The following RAB11FIP1 variants were observed in gnomAD, a reference collection of about 807,000 sequenced individuals.
The protein encoded by RAB11FIP1 is rab11 family-interacting protein 1.
Under a neutral mutation model 83.1 loss-of-function variants are expected in RAB11FIP1, and 49 were observed. The ratio of observed to expected loss-of-function variants is 0.59; its 90% CI spans 0.47 to 0.75. The LOEUF is 0.75. RAB11FIP1 is among the 30% of genes least tolerant of loss of function. RAB11FIP1 has a pLI of 0.00. For missense variants in RAB11FIP1, 1,536 were observed against 1,598.7 expected, an observed-to-expected ratio of 0.96 and a Z score of 0.67; for synonymous variants, 670 against 656.0, an observed-to-expected ratio of 1.02 and a Z score of -0.33.
chr8:37,887,395 G>C (rs1033365392), intron 1 of RAB11FIP1, among the ~76,000 whole-genome samples: 2 of 152,056 alleles, frequency 1.3e-5, no homozygotes, highest in African/African-American at 4.8e-5. Flanking sequence ...GCCGGGTGTG[G>C]TGGTACACAC....
At position 37,872,709 on chromosome 8, in the gene RAB11FIP1, T is replaced by C. The variant is rs767846426; in HGVS notation, c.2093A>G (p.Glu698Gly). The C allele has an allele frequency of 3.0e-5, 48 of 1,614,122 alleles. No individual in the cohort carries two copies. The highest frequency in any genetic ancestry group is 4.0e-5 in the Non-Finnish European group (47 of 1,180,042). Residue 698 changes from glutamate (E) to glycine (G), a missense_variant, in exon 4 of 6, where the codon GAA becomes GGA. Coordinates refer to ENST00000330843, the MANE Select transcript of RAB11FIP1 (RefSeq NM_001002814.3). ...AAGTTCTTCCTCTTGTCGCCCTGTT[T>C]CAGGCTGCTCTGGGAGAGACTCCTC... Reference protein sequence around the residue: ...ELEESLPEQPETGRQEEELPR... With the variant: ...ELEESLPEQPGTGRQEEELPR...
rs1401893000 is a variant in RAB11FIP1 at position 37,871,489 on chromosome 8, G to A, written c.3313C>T (p.Pro1105Ser). 1.9e-6 allele frequency: 3 copies of A among 1,613,368 alleles called. No individual in the cohort carries two copies. Among genetic ancestry groups the A allele is most frequent in the African/African-American group, 1.3e-5 (1 of 74,892 alleles). ...VPSPSPSEIF[P>S]VTHSFPSSAH... The stretch of plus-strand genomic sequence containing the variant: ...GAGCTGGGGAAAGAGTGTGTGACAG[G>A]AAAGATCTCAGAAGGGGAGGGGCTG... The change falls in exon 4 of 6, where the codon CCT becomes TCT. Residue 1105 changes from proline to serine, a missense_variant. Pro to Ser is a moderately conservative substitution (Grantham distance 74, BLOSUM62 -1). Transcript: ENST00000330843.
At position 37,871,506 on chromosome 8, in the gene RAB11FIP1, G is replaced by A. The variant is rs148808539; in HGVS notation, c.3296C>T (p.Ser1099Phe). The change falls in exon 4 of 6, where the codon TCC becomes TTC. Residue 1099 changes from serine (S) to phenylalanine (F), a missense_variant. By Grantham distance (155) the Ser-to-Phe change is radical. Transcript: ENST00000330843. ...TSLDNPVPSP[S>F]PSEIFPVTHS... ...TGTGACAGGAAAGATCTCAGAAGGG[G>A]AGGGGCTGGGTACAGGATTGTCCAG... 36 of 1,612,610 alleles carry A rather than the reference G, an allele frequency of 2.2e-5. No individual in the cohort carries two copies. The highest frequency in any genetic ancestry group is 2.9e-5 in the Non-Finnish European group (34 of 1,179,298).
In RAB11FIP1 at chr8:37,875,225, G is replaced by T. The variant is rs769118860; in HGVS notation, c.912C>A (p.Gly304=). ...PKKEGLSFLG[G]LRSKNDVLSR... ...AAAGGACATCATTCTTAGACCGAAG[G>T]CCACCAAGAAAGGAAAGTCCTTCCT... The change falls in exon 3 of 6, where the codon GGC becomes GGA. Residue 304 remains glycine, a synonymous_variant. Coordinates refer to ENST00000330843, the MANE Select transcript of RAB11FIP1 (RefSeq NM_001002814.3). 6 of 1,613,926 alleles carry T rather than the reference G, an allele frequency of 3.7e-6. No individual in the cohort carries two copies. The East Asian group carries it at 1.1e-4, about 30-fold the overall frequency.
rs201398292 is a variant in RAB11FIP1 at position 37,872,406 on chromosome 8, C to T, written c.2396G>A (p.Arg799His). Residue 799 changes from arginine (R) to histidine (H), a missense_variant, in exon 4 of 6, where the codon CGC (arginine) becomes CAC (histidine). Arg to His is a conservative substitution (Grantham distance 29). Transcript: ENST00000330843. Reference protein sequence around the residue: ...RKLEEMGLNLRKDQKKTKKRV... With the variant: ...RKLEEMGLNLHKDQKKTKKRV... ...CTTCTTGGTTTTCTTCTGGTCCTTG[C>T]GGAGGTTCAGACCCATCTCTTCCAG... 1.8e-5 allele frequency: 29 copies of T among 1,614,148 alleles called. No homozygotes were observed. Among genetic ancestry groups the T allele is most frequent in the Middle Eastern group, 1.6e-4 (1 of 6,062 alleles).
intron 1 of RAB11FIP1, 144 bp from the exon 2 acceptor site, chr8:37,877,695 A>G (rs1806646111): frequency 4.8e-6 from 2 of 418,910 alleles, no homozygotes; most frequent in Non-Finnish European, 8.7e-6. Context: ...GGGAAGTGGT[A>G]GATGAGAGCA....
chr8:37,899,340 GC>G lies in RAB11FIP1; in HGVS notation c.101del (p.Gly34AlafsTer11). The G allele has an allele frequency of 6.2e-7, 1 of 1,608,272 alleles. No individual in the cohort carries two copies. The highest frequency in any genetic ancestry group is 2.2e-5 in the East Asian group (1 of 44,592). ...CGTACGCGTCGCTCGTGCCCCCGGG[GC>G]CCTTGGCCCGCAGGCCCCGCGCCTG... ...VLQARGLRAKGPGGTSDAYAV... is the reference protein window; with the variant it reads ...VLQARGLRAKXPGGTSDAYAV... On this transcript the variant is annotated frameshift_variant, in exon 1 of 6. Coordinates refer to ENST00000330843, the MANE Select transcript of RAB11FIP1 (RefSeq NM_001002814.3). LOFTEE classifies it high-confidence loss of function. The surrounding 1 kb of genome is among the most constrained non-coding windows in gnomAD (Gnocchi z 4.5).
Position 37,872,690 on chromosome 8 carries a change from T to C in RAB11FIP1, c.2112A>G (p.Glu704=). Residue 704 remains glutamate (E), a synonymous_variant, in exon 4 of 6, where the codon GAA becomes GAG. Coordinates refer to ENST00000330843, the MANE Select transcript of RAB11FIP1 (RefSeq NM_001002814.3). ...PEQPETGRQE[E]ELPRFPCKKQ... is the part of the protein sequence containing the mutation. The stretch of plus-strand genomic sequence containing the variant: ...TTTTGCAGGGGAATCTCGGAAGTTC[T>C]TCCTCTTGTCGCCCTGTTTCAGGCT... 3 of 1,614,238 alleles carry C rather than the reference T, an allele frequency of 1.9e-6. No individual in the cohort carries two copies. The highest frequency in any genetic ancestry group is 2.5e-6 in the Non-Finnish European group (3 of 1,180,040).
intron 5 of RAB11FIP1, among the ~76,000 whole-genome samples, chr8:37,865,433 C>A (rs752529066): frequency 5.3e-5 from 8 of 151,918 alleles, no homozygotes; most frequent in Non-Finnish European, 1.2e-4. Flanking sequence ...GCTTCTCCTG[C>A]CTCAGCCTCC....
At chr8:37,891,650 G>A (rs879239813) in intron 1 of RAB11FIP1, among the ~76,000 whole-genome samples, 2 of 152,170 alleles carry the variant, frequency 1.3e-5, no homozygotes, top group Admixed American at 1.3e-4. Context: ...ACCAAAGGCA[G>A]TTTAAGTAAA....
Position 37,872,694 on chromosome 8 carries a change from T to C in RAB11FIP1, c.2108A>G (p.Glu703Gly), listed in dbSNP as rs1806502975. 1.2e-6 allele frequency: 2 copies of C among 1,614,238 alleles called. No homozygotes were observed. Among genetic ancestry groups the C allele is most frequent in the Non-Finnish European group, 1.7e-6 (2 of 1,180,042 alleles). The change falls in exon 4 of 6, where the codon GAG (glutamate) becomes GGG (glycine). Residue 703 changes from glutamate (E) to glycine (G), a missense_variant. By Grantham distance (98) the Glu-to-Gly change is moderately conservative. Transcript: ENST00000330843. ...GCAGGGGAATCTCGGAAGTTCTTCC[T>C]CTTGTCGCCCTGTTTCAGGCTGCTC... ...LPEQPETGRQ[E>G]EELPRFPCKK...
rs1311161541 is a variant in RAB11FIP1, at chr8:37,874,593, G to A, written c.1544C>T (p.Ala515Val). ...FEDVQITEPE[A>V]EPESKSEPRP... ...CGGTTCAGACTTGGACTCTGGCTCA[G>A]CTTCTGGTTCTGTGATCTGCACATC... Residue 515 changes from alanine to valine, a missense_variant, in exon 3 of 6, where the codon GCT becomes GTT. Transcript: ENST00000330843. 2 of 1,614,222 alleles carry A rather than the reference G, an allele frequency of 1.2e-6. No individual in the cohort carries two copies. Among genetic ancestry groups the A allele is most frequent in the Non-Finnish European group, 1.7e-6 (2 of 1,180,040 alleles).
chr8:37,895,188 C>T (rs1807039054), intron 1 of RAB11FIP1, among the ~76,000 whole-genome samples: 2 of 108,132 alleles, frequency 1.8e-5, no homozygotes, highest in South Asian at 6.5e-4. Context: ...ACCTCAGCCT[C>T]CGGAATAGCT....
At position 37,861,881 on chromosome 8, in the gene RAB11FIP1, G is replaced by A. The variant is rs147831433; in HGVS notation, c.*1014C>T. On this transcript the variant is annotated 3_prime_UTR_variant, in exon 6 of 6. Coordinates refer to ENST00000330843, the MANE Select transcript of RAB11FIP1 (RefSeq NM_001002814.3). ...TGGGATTACAGGCATGAGCCACCAC[G>A]ACTGGCCTGAAGGGGCTTCTTCATC... is the stretch of plus-strand genomic sequence containing the variant. 8.2e-3 allele frequency: 1,915 copies of A among 233,628 alleles called. 20 individuals carry two copies. Among genetic ancestry groups the A allele is most frequent in the Non-Finnish European group, 0.012 (1,377 of 115,950 alleles). The allele number at this position is 233,628 out of a possible 1,614,324, so 14.5% of individuals were successfully genotyped here.
chr8:37,898,466 A>T (rs1318344862), intron 1 of RAB11FIP1, among the ~76,000 whole-genome samples: 1 of 152,040 alleles, frequency 6.6e-6, no homozygotes, highest in East Asian at 1.9e-4. Context: ...CATCCTGGCC[A>T]ATCTGATGAA....
rs1563367029 is a variant in RAB11FIP1 at position 37,871,859 on chromosome 8, C to T, written c.2943G>A (p.Gln981=). 6.2e-7 allele frequency: 1 copy of T among 1,614,102 alleles called. No homozygotes were observed. Among genetic ancestry groups the T allele is most frequent in the Non-Finnish European group, 8.5e-7 (1 of 1,180,018 alleles). Residue 981 remains glutamine (Q), a synonymous_variant, in exon 4 of 6, where the codon CAG becomes CAA. Coordinates refer to ENST00000330843, the MANE Select transcript of RAB11FIP1 (RefSeq NM_001002814.3). Reference sequence around the variant, plus strand: ...TTGCTGTCTCTCCATCATCTTCAACCTGATCTCCGTCATCTTCAACCTGAT... The same window carrying T: ...TTGCTGTCTCTCCATCATCTTCAACTTGATCTCCGTCATCTTCAACCTGAT... ...RIDQVEDDGD[Q]VEDDGETAKS... is the part of the protein sequence containing the mutation.
intron 1 of RAB11FIP1, among the ~76,000 whole-genome samples, chr8:37,895,485 T>C (rs939057399): frequency 1.6e-4 from 24 of 150,058 alleles, no homozygotes; most frequent in African/African-American, 5.6e-4. Flanking sequence ...ATCCCTCATA[T>C]TGGTCACCCG....
intron 3 of RAB11FIP1, among the ~76,000 whole-genome samples, chr8:37,873,770 A>G (rs1358625036): frequency 2.6e-5 from 4 of 152,210 alleles, no homozygotes; most frequent in Non-Finnish European, 4.4e-5. Context: ...TTTGATTATT[A>G]CAGGACAAAA....
chr8:37,885,194 C>T (rs953244286), intron 1 of RAB11FIP1, among the ~76,000 whole-genome samples: 20 of 151,782 alleles, frequency 1.3e-4, no homozygotes, highest in Admixed American at 6.6e-5. Context: ...GGGGTTTCAC[C>T]GTGATGGCCA....
Sources: gnomAD v4.1 joint callset for allele counts (sites outside exome capture counted in the v4.1 genomes callset) on GRCh38, gnomAD v4.1.1 for gene constraint, Gnocchi (gnomAD v3.1) non-coding constraint, MANE v1.5 for transcripts, NCBI Gene and HGNC (gene_info 2026-07-23, HGNC 2026-07-21) for gene names.